Variants in DUS3L observed in about 807,000 individuals in gnomAD.
DUS3L encodes tRNA-dihydrouridine(47) synthase [NAD(P)(+)]-like.
DUS3L carries 62 observed loss-of-function variants against 74.6 expected under a neutral mutation model. The observed-to-expected ratio is 0.83, with a 90% CI of 0.68 to 1.03. DUS3L has a LOEUF of 1.03. Ranked by LOEUF, DUS3L falls within the 50% of genes least tolerant of loss-of-function variation. The probability of loss-of-function intolerance (pLI) is 0.00; values close to 1 mark genes in which losing one functional copy is unlikely to be tolerated. For synonymous variants in DUS3L, 433 were observed against 395.7 expected (o/e 1.09, Z -1.12); for missense variants, 884 against 924.4 (o/e 0.96, Z 0.57).
intron 1 of DUS3L, 108 bp downstream of exon 1, chr19:5,790,936 T>C: frequency 2.8e-6 from 3 of 1,079,512 alleles, no homozygotes; most frequent in Non-Finnish European, 4.1e-6. Context: ...GAAGAGCCGG[T>C]GGCTTCTCGC....
chr19:5,787,562 A>AC, intron 6 of DUS3L, 27 bp downstream of exon 6: 2 of 1,608,812 alleles, frequency 1.2e-6, no homozygotes, highest in Non-Finnish European at 1.7e-6. Context: ...AGATGGGGAA[A>AC]CCGAGGCACA....
rs761617678 is a variant in DUS3L, at chr19:5,785,515, C to T, written c.1752-4G>A. The T allele has an allele frequency of 1.6e-5, 25 of 1,535,548 alleles. No individual in the cohort carries two copies. The highest frequency in any genetic ancestry group is 1.4e-4 in the African/African-American group (10 of 73,240). On this transcript the variant is annotated splice_polypyrimidine_tract_variant and splice_region_variant and intron_variant, in intron 11 of 12. Transcript: ENST00000309061. ...CAGCAGCCCCACGGGCACGTACCTG[C>T]GGCGGGTGGGCGGGCAGGACAGGCT...
At position 5,789,508 on chromosome 19, in the gene DUS3L, C is replaced by T. The variant is rs2056888513; in HGVS notation, c.599G>A (p.Gly200Glu). 1.9e-6 allele frequency: 3 copies of T among 1,604,586 alleles called. No homozygotes were observed. Among genetic ancestry groups the T allele is most frequent in the South Asian group, 1.1e-5 (1 of 90,552 alleles). Residue 200 changes from glycine to glutamate, a missense_variant, in exon 3 of 13, where the codon GGG becomes GAG. By Grantham distance (98) the Gly-to-Glu change is moderately conservative. Coordinates refer to ENST00000309061, the MANE Select transcript of DUS3L (RefSeq NM_020175.3). ...GTTGCGGATGGACGGGGGCTGGGTCCCGCGGGCCGCCAACTCCTCCTGCAC... is the reference window on the plus strand; with the variant it reads ...GTTGCGGATGGACGGGGGCTGGGTCTCGCGGGCCGCCAACTCCTCCTGCAC... ...NLVQEELAAR[G>E]TQPPSIRNGL...
intron 1 of DUS3L, among the ~76,000 whole-genome samples, 159 bp from the exon 2 acceptor site, chr19:5,790,494 C>CA (rs1054185592): frequency 3.9e-5 from 6 of 152,100 alleles, no homozygotes; most frequent in African/African-American, 1.4e-4. Flanking sequence ...CTCACGGCCT[C>CA]AAAAAAGACC....
In DUS3L at chr19:5,785,716, G is replaced by A. The variant is rs1250674752; in HGVS notation, c.1638C>T (p.Arg546=). The change falls in exon 11 of 13, where the codon CGC becomes CGT. Residue 546 remains arginine (R), a synonymous_variant. Transcript: ENST00000309061. ...TGGTGAAGTCCCGCAGGATGTCCAG[G>A]CGCTCGGACGACGAGATGTCCCAGT... The part of the protein sequence containing the change: ...QRHWDISSSE[R]LDILRDFTNY... 1 of 1,612,198 alleles carries A rather than the reference G, an allele frequency of 6.2e-7. No homozygotes were observed. The highest frequency in any genetic ancestry group is 2.2e-5 in the East Asian group (1 of 44,872).
intron 5 of DUS3L, 78 bp downstream of exon 5, chr19:5,787,946 G>A (rs1307277548): frequency 3.2e-6 from 5 of 1,576,562 alleles, no homozygotes; most frequent in Non-Finnish European, 3.4e-6. Flanking sequence ...GAGGCAACCA[G>A]GGCAGACCTG....
At position 5,787,565 on chromosome 19, in the gene DUS3L, G is replaced by A. The variant is rs188022645; in HGVS notation, c.1212+24C>T. ...GCCTCCCTGCCCAGATGGGGAAACC[G>A]AGGCACACGTCCAGGGCCGCTACCT... On this transcript the variant is annotated intron_variant, in intron 6 of 12. Coordinates refer to ENST00000309061, the MANE Select transcript of DUS3L (RefSeq NM_020175.3). The A allele has an allele frequency of 1.7e-4, 280 of 1,608,832 alleles. 1 individual carries two copies. The East Asian group carries it at 3.5e-3, about 20-fold the overall frequency.
intron 2 of DUS3L, 83 bp from the exon 3 acceptor site, chr19:5,789,802 C>T (rs922344350): frequency 6.6e-7 from 1 of 1,512,926 alleles, no homozygotes; most frequent in Non-Finnish European, 8.9e-7. Flanking sequence ...TCTAGATCAC[C>T]CCTCCTGGCT....
At chr19:5,787,013 G>A (rs368157609) in intron 8 of DUS3L, 48 bp downstream of exon 8, 50 of 1,501,332 alleles carry the variant, frequency 3.3e-5, no homozygotes, top group African/African-American at 9.6e-5. Flanking sequence ...AGGAAGGGAC[G>A]CGGGGTCGAC....
rs1555730931 is a variant in DUS3L, at chr19:5,787,194, G to GGTGGGAGATGGTGGGAGGTC, written c.1279-24_1279-23insGACCTCCCACCATCTCCCAC. Reference sequence around the variant, plus strand: ...CACCTACAGGACGGTGGTGGGAGGTGGTGGGAGATGGTGGGAGGTGGTGGG... The same window carrying GGTGGGAGATGGTGGGAGGTC: ...CACCTACAGGACGGTGGTGGGAGGTGGTGGGAGATGGTGGGAGGTCGTGGGAGATGGTGGGAGGTGGTGGG... On this transcript the variant is annotated intron_variant, in intron 7 of 12. Coordinates refer to ENST00000309061, the MANE Select transcript of DUS3L (RefSeq NM_020175.3). 1,285 of 325,548 alleles carry GGTGGGAGATGGTGGGAGGTC rather than the reference G, an allele frequency of 3.9e-3. 145 individuals carry two copies. Among genetic ancestry groups the GGTGGGAGATGGTGGGAGGTC allele is most frequent in the African/African-American group, 8.2e-3 (304 of 36,950 alleles). The allele number at this position is 325,548 out of a possible 1,614,324, so 20.2% of individuals were successfully genotyped here. A position where few individuals can be genotyped will look rare whatever the true frequency, so the allele number is the denominator to read the frequency against.
Position 5,787,356 on chromosome 19 carries a change from C to T in DUS3L, c.1218G>A (p.Gly406=). ...CPIDLVYKKG[G]GCALMNRSTK... is the part of the protein sequence containing the mutation. ...TGGAGCGATTCATGAGGGCACAGCC[C>T]CCACCCTGGAAGAGACAGGCGGGTG... Residue 406 remains glycine, a synonymous_variant, in exon 7 of 13, where the codon GGG becomes GGA. Coordinates refer to ENST00000309061, the MANE Select transcript of DUS3L (RefSeq NM_020175.3). The T allele has an allele frequency of 6.2e-7, 1 of 1,612,406 alleles. No individual in the cohort carries two copies. Among genetic ancestry groups the T allele is most frequent in the Non-Finnish European group, 8.5e-7 (1 of 1,179,554 alleles).
rs779234974 is a variant in DUS3L, at chr19:5,788,063, T to G, written c.1056A>C (p.Leu352=). ...LLQGQMSEWA[L]LKRHQCEDIF... is the part of the protein sequence containing the mutation. ...TGTCCTCACACTGGTGGCGTTTGAGTAGGGCCCACTCGGACATCTGGCCCT... is the reference window on the plus strand; with the variant it reads ...TGTCCTCACACTGGTGGCGTTTGAGGAGGGCCCACTCGGACATCTGGCCCT... Residue 352 remains leucine (L), a synonymous_variant, in exon 5 of 13, where the codon CTA becomes CTC. Transcript: ENST00000309061. The G allele has an allele frequency of 6.2e-7, 1 of 1,613,614 alleles. No individual in the cohort carries two copies. Among genetic ancestry groups the G allele is most frequent in the South Asian group, 1.1e-5 (1 of 91,086 alleles).
rs762200704 is a variant in DUS3L, at chr19:5,790,113, G to C, written c.321C>G (p.Asn107Lys). 1 of 1,614,142 alleles carries C rather than the reference G, an allele frequency of 6.2e-7. No individual in the cohort carries two copies. Among genetic ancestry groups the C allele is most frequent in the Non-Finnish European group, 8.5e-7 (1 of 1,180,012 alleles). Residue 107 changes from asparagine (N) to lysine (K), a missense_variant, in exon 2 of 13, where the codon AAC becomes AAG. Physicochemically the swap from Asn to Lys is moderately conservative, Grantham distance 94. Coordinates refer to ENST00000309061, the MANE Select transcript of DUS3L (RefSeq NM_020175.3). ...LQTQKRARGQ[N>K]KGRPHVKPTN... Reference sequence around the variant, plus strand: ...TGGGCTTCACATGGGGCCGGCCCTTGTTTTGTCCCCGGGCCCTCTTCTGAG... The same window carrying C: ...TGGGCTTCACATGGGGCCGGCCCTTCTTTTGTCCCCGGGCCCTCTTCTGAG...
Position 5,790,099 on chromosome 19 carries a change from T to A in DUS3L, c.335A>T (p.His112Leu). ...RARGQNKGRP[H>L]VKPTNYDKNR... Reference sequence around the variant, plus strand: ...CTTGTCGTAGTTCGTGGGCTTCACATGGGGCCGGCCCTTGTTTTGTCCCCG... The same window carrying A: ...CTTGTCGTAGTTCGTGGGCTTCACAAGGGGCCGGCCCTTGTTTTGTCCCCG... Residue 112 changes from histidine (H) to leucine (L), a missense_variant, in exon 2 of 13, where the codon CAT becomes CTT. Coordinates refer to ENST00000309061, the MANE Select transcript of DUS3L (RefSeq NM_020175.3). The A allele has an allele frequency of 6.2e-7, 1 of 1,614,138 alleles. No homozygotes were observed. Among genetic ancestry groups the A allele is most frequent in the African/African-American group, 1.3e-5 (1 of 75,058 alleles).
chr19:5,790,815 C>T (rs2056902957), intron 1 of DUS3L: 2 of 597,634 alleles, frequency 3.3e-6, no homozygotes, highest in Non-Finnish European at 6.0e-6. Flanking sequence ...GCCTCAAATC[C>T]CACCTGCCCT....
At chr19:5,786,375 C>A (rs1599617389) in intron 10 of DUS3L, 92 bp downstream of exon 10, 1 of 1,291,482 alleles carries the variant, frequency 7.7e-7, no homozygotes, top group East Asian at 2.4e-5. Flanking sequence ...GACCAACAGC[C>A]CACCACAGAA....
intron 4 of DUS3L, 47 bp downstream of exon 4, chr19:5,788,310 C>G: frequency 6.2e-7 from 1 of 1,612,988 alleles, no homozygotes; most frequent in Non-Finnish European, 8.5e-7. Context: ...TTGGAATGAC[C>G]ACACTGCCAC....
Position 5,785,526 on chromosome 19 carries a change from C to A in DUS3L, c.1752-15G>T. The A allele has an allele frequency of 6.6e-7, 1 of 1,516,664 alleles. No individual in the cohort carries two copies. Among genetic ancestry groups the A allele is most frequent in the Non-Finnish European group, 8.8e-7 (1 of 1,132,382 alleles). The allele number at this position is 1,516,664 out of a possible 1,614,324, so 94.0% of individuals were successfully genotyped here. On this transcript the variant is annotated splice_polypyrimidine_tract_variant and intron_variant, in intron 11 of 12. Transcript: ENST00000309061. ...CGGGCACGTACCTGCGGCGGGTGGG[C>A]GGGCAGGACAGGCTTGAGTCAGCTC...
chr19:5,790,155 G>C lies in DUS3L; in HGVS notation c.279C>G (p.Pro93=). The change falls in exon 2 of 13, where the codon CCC becomes CCG. Residue 93 remains proline, a synonymous_variant. Transcript: ENST00000309061. Reference sequence around the variant, plus strand: ...TCTTCTGAGTCTGTAGCTGCTCCCCGGGCTCTGCTGCCTCCTCCGTCTGCC... The same window carrying C: ...TCTTCTGAGTCTGTAGCTGCTCCCCCGGCTCTGCTGCCTCCTCCGTCTGCC... ...ADGQTEEAAE[P]GEQLQTQKRA... The C allele has an allele frequency of 6.2e-7, 1 of 1,614,060 alleles. No individual in the cohort carries two copies. Among genetic ancestry groups the C allele is most frequent in the South Asian group, 1.1e-5 (1 of 91,088 alleles).
Sources: gnomAD v4.1 joint callset for allele counts (sites outside exome capture counted in the v4.1 genomes callset) on GRCh38, gnomAD v4.1.1 for gene constraint, MANE v1.5 for transcripts, NCBI Gene and HGNC (gene_info 2026-07-23, HGNC 2026-07-21) for gene names.